The following CHRNA9 variants were observed in gnomAD, a reference collection of about 807,000 sequenced individuals.
CHRNA9 encodes cholinergic receptor nicotinic alpha 9 subunit.
Under a neutral mutation model 36.8 loss-of-function variants are expected in CHRNA9, and 24 were observed. The ratio of observed to expected loss-of-function variants is 0.65; its 90% confidence interval spans 0.47 to 0.92. CHRNA9 has a LOEUF of 0.92. Among genes scored for constraint, CHRNA9 ranks in the 40% least tolerant of loss-of-function variants. The pLI, the probability that CHRNA9 is intolerant of heterozygous loss-of-function variation, is 0.00. For missense variants in CHRNA9, 610 were observed against 601.2 expected (o/e 1.01, Z -0.15); for synonymous variants, 231 against 231.8 (o/e 1.00, Z 0.03).
intron 3 of CHRNA9, among the ~76,000 whole-genome samples, chr4:40,338,563 G>A (rs941903154): frequency 6.6e-6 from 1 of 152,120 alleles, no homozygotes; most frequent in African/African-American, 2.4e-5. Context: ...AGCTCAGGGG[G>A]CTCCCCTGGG....
rs758731419 is a variant in CHRNA9 at position 40,354,007 on chromosome 4, G to A, written c.927G>A (p.Leu309=). 24 of 1,610,328 alleles carry A rather than the reference G, an allele frequency of 1.5e-5. No homozygotes were observed. Among genetic ancestry groups the A allele is most frequent in the Non-Finnish European group, 2.0e-5 (24 of 1,177,378 alleles). Residue 309 remains leucine, a synonymous_variant, in exon 5 of 5, where the codon CTG becomes CTA. Coordinates refer to ENST00000310169, the MANE Select transcript of CHRNA9 (RefSeq NM_017581.4). ...IGKYYIATMA[L]ITASTALTIM... ...AATACTACATAGCCACGATGGCCCT[G>A]ATCACAGCCTCCACTGCGTTGACCA...
In CHRNA9 at chr4:40,353,919, CGTGGCT is replaced by C. The variant is rs1344751075; in HGVS notation, c.899-57_899-52del. On this transcript the variant is annotated intron_variant, in intron 4 of 4. Transcript: ENST00000310169. ...AATGTATCCCTGTTGTTAAGTGACT[CGTGGCT>C]GTATGAGGACCATTTTAAAGCAAAT... The C allele has an allele frequency of 1.9e-5, 27 of 1,414,146 alleles. No homozygotes were observed. The Admixed American group carries it at 5.6e-4, about 30-fold the overall frequency. 87.6% of individuals were successfully genotyped at this position (1,414,146 alleles called of 1,614,324 possible). A position where few individuals can be genotyped will look rare whatever the true frequency, so the allele number is the denominator to read the frequency against.
At chr4:40,344,902 G>A (rs1246353202) in intron 3 of CHRNA9, among the ~76,000 whole-genome samples, 2 of 152,214 alleles carry the variant, frequency 1.3e-5, no homozygotes, top group African/African-American at 4.8e-5. Flanking sequence ...TCTGACTGGA[G>A]AGGCAGGGAA....
At chr4:40,336,705 C>T (rs1385637855) in intron 2 of CHRNA9, among the ~76,000 whole-genome samples, 2 of 152,098 alleles carry the variant, frequency 1.3e-5, no homozygotes, top group African/African-American at 4.8e-5. Flanking sequence ...TGGTCTCAAT[C>T]TCCTGACCTC....
At chr4:40,350,390 T>G in intron 4 of CHRNA9, among the ~76,000 whole-genome samples, 1 of 152,084 alleles carries the variant, frequency 6.6e-6, no homozygotes, top group East Asian at 1.9e-4. Flanking sequence ...TTCTGAGGGC[T>G]TTCCTATCCC....
chr4:40,350,665 C>A (rs1202956520), intron 4 of CHRNA9, among the ~76,000 whole-genome samples: 4 of 148,336 alleles, frequency 2.7e-5, no homozygotes, highest in African/African-American at 9.9e-5. Context: ...TTGGAGATAT[C>A]TTCCTTTTTA....
intron 4 of CHRNA9, among the ~76,000 whole-genome samples, chr4:40,351,003 A>T (rs1197654692): frequency 2.0e-5 from 3 of 151,978 alleles, no homozygotes; most frequent in African/African-American, 7.2e-5. Context: ...AAATTAAATT[A>T]AATTTGTATT....
chr4:40,354,266 A>G lies in CHRNA9; in HGVS notation c.1186A>G (p.Met396Val). 1 of 1,614,248 alleles carries G rather than the reference A, an allele frequency of 6.2e-7. No individual in the cohort carries two copies. Among genetic ancestry groups the G allele is most frequent in the South Asian group, 1.1e-5 (1 of 91,086 alleles). The stretch of plus-strand genomic sequence containing the variant: ...CAAAGACCTTTCCAGAAAGAAGGAC[A>G]TGAACAAACGCTTAAAGAACGACCT... ...RNKDLSRKKD[M>V]NKRLKNDLGC... Residue 396 changes from methionine to valine, a missense_variant, in exon 5 of 5, where the codon ATG becomes GTG. Transcript: ENST00000310169.
intron 2 of CHRNA9, among the ~76,000 whole-genome samples, chr4:40,336,672 G>A (rs536434875): frequency 5.8e-4 from 88 of 152,100 alleles, no homozygotes; most frequent in African/African-American, 2.1e-3. Context: ...AGTAGAGACA[G>A]GGTTTTACCG....
In CHRNA9 at chr4:40,354,698, C is replaced by A; in HGVS notation, c.*178C>A. On this transcript the variant is annotated 3_prime_UTR_variant, in exon 5 of 5. Coordinates refer to ENST00000310169, the MANE Select transcript of CHRNA9 (RefSeq NM_017581.4). ...TGCTCTGTTAAATTAAGCAGAAGAA[C>A]CAAAATTTCAAGGGTAGGAAGATGG... The A allele has an allele frequency of 1.7e-6, 1 of 576,784 alleles. No individual in the cohort carries two copies. The highest frequency in any genetic ancestry group is 3.0e-6 in the Non-Finnish European group (1 of 332,798). 35.7% of individuals were successfully genotyped at this position (576,784 alleles called of 1,614,324 possible). A position where few individuals can be genotyped will look rare whatever the true frequency, so the allele number is the denominator to read the frequency against.
chr4:40,343,965 G>T (rs968791606), intron 3 of CHRNA9, among the ~76,000 whole-genome samples: 3 of 152,180 alleles, frequency 2.0e-5, no homozygotes, highest in African/African-American at 7.2e-5. Flanking sequence ...GATTTGAGAT[G>T]GGGGAGATTA....
chr4:40,335,862 T>C lies in CHRNA9; in HGVS notation c.100T>C (p.Leu34=). 6.2e-7 allele frequency: 1 copy of C among 1,613,432 alleles called. No individual in the cohort carries two copies. Among genetic ancestry groups the C allele is most frequent in the Non-Finnish European group, 8.5e-7 (1 of 1,179,352 alleles). The stretch of plus-strand genomic sequence containing the variant: ...GGCAGATGGAAAATATGCTCAGAAG[T>C]TGTTTAATGACCTTTTTGAAGATTA... The part of the protein sequence containing the change: ...ETADGKYAQK[L]FNDLFEDYSN... The change falls in exon 2 of 5, where the codon TTG becomes CTG. Residue 34 remains leucine (L), a synonymous_variant. Coordinates refer to ENST00000310169, the MANE Select transcript of CHRNA9 (RefSeq NM_017581.4).
intron 4 of CHRNA9, among the ~76,000 whole-genome samples, chr4:40,350,341 A>G (rs548988443): frequency 1.1e-4 from 17 of 152,206 alleles, no homozygotes; most frequent in Admixed American, 1.0e-3. Flanking sequence ...GTGCAGACTG[A>G]GGGTACCACC....
intron 3 of CHRNA9, 124 bp downstream of exon 3, chr4:40,337,488 A>G (rs1167129933): frequency 2.8e-6 from 3 of 1,073,454 alleles, no homozygotes; most frequent in East Asian, 2.6e-5. Context: ...TGTTCCTAGG[A>G]CTTACTGAAA....
intron 2 of CHRNA9, among the ~76,000 whole-genome samples, 164 bp downstream of exon 2, chr4:40,336,136 T>G (rs1330484830): frequency 6.6e-6 from 1 of 152,180 alleles, no homozygotes; most frequent in African/African-American, 2.4e-5. Flanking sequence ...TCTACAAAAC[T>G]AATTAATTTC....
intron 4 of CHRNA9, chr4:40,349,629 A>G: frequency 1.8e-6 from 1 of 542,292 alleles, no homozygotes; most frequent in Non-Finnish European, 3.3e-6. Context: ...GGTTTACACG[A>G]AAGAGCAATG....
chr4:40,354,051 A>C lies in CHRNA9; in HGVS notation c.971A>C (p.His324Pro). ...TALTIMVMNI[H>P]FCGAEARPVP... ...TTGACCATCATGGTGATGAATATCC[A>C]CTTCTGTGGGGCCGAGGCCCGGCCG... Residue 324 changes from histidine (H) to proline (P), a missense_variant, in exon 5 of 5, where the codon CAC (histidine) becomes CCC (proline). By Grantham distance (77) the His-to-Pro change is moderately conservative. Coordinates refer to ENST00000310169, the MANE Select transcript of CHRNA9 (RefSeq NM_017581.4). The C allele has an allele frequency of 6.2e-7, 1 of 1,614,170 alleles. No individual in the cohort carries two copies. The highest frequency in any genetic ancestry group is 8.5e-7 in the Non-Finnish European group (1 of 1,180,022).
chr4:40,342,256 T>C (rs1274518565), intron 3 of CHRNA9, among the ~76,000 whole-genome samples: 1 of 152,078 alleles, frequency 6.6e-6, no homozygotes, highest in African/African-American at 2.4e-5. Flanking sequence ...AGAAACAGGT[T>C]TGGAAAAAAA....
chr4:40,346,857 C>T (rs966741662), intron 3 of CHRNA9, among the ~76,000 whole-genome samples: 22 of 152,256 alleles, frequency 1.4e-4, no homozygotes, highest in Admixed American at 5.9e-4. Context: ...GTCACCCAGG[C>T]TGGAGTGCAG....
Sources: gnomAD v4.1 joint callset for allele counts (sites outside exome capture counted in the v4.1 genomes callset) on GRCh38, gnomAD v4.1.1 for gene constraint, MANE v1.5 for transcripts, NCBI Gene and HGNC (gene_info 2026-07-23, HGNC 2026-07-21) for gene names.